The following SH3BP2 variants were observed in gnomAD, a reference collection of about 807,000 sequenced individuals.
SH3BP2 encodes SH3 domain-binding protein 2.
Under a neutral mutation model 56.2 loss-of-function variants are expected in SH3BP2, and 38 were observed. That is an observed-to-expected ratio of 0.68 (90% CI 0.52 to 0.89). SH3BP2 has a LOEUF of 0.89. SH3BP2 is among the 40% of genes least tolerant of loss of function. The pLI is 0.00. For missense variants in SH3BP2, 748 were observed against 762.6 expected (o/e 0.98, Z 0.23); for synonymous variants, 346 against 316.7 (o/e 1.09, Z -0.98).
chr4:2,801,522 A>C (rs1263672570), intron 1 of SH3BP2, among the ~76,000 whole-genome samples: 1 of 152,078 alleles, frequency 6.6e-6, no homozygotes, highest in Non-Finnish European at 1.5e-5. Flanking sequence ...GTCCGGCCAG[A>C]GACCCCGGCC....
intron 3 of SH3BP2, 45 bp from the exon 4 acceptor site, chr4:2,824,568 C>T (rs762827335): frequency 6.9e-7 from 1 of 1,442,724 alleles, no homozygotes; most frequent in Non-Finnish European, 9.7e-7. Flanking sequence ...AAGGCCATCC[C>T]TATAGCTGTG....
intron 1 of SH3BP2, among the ~76,000 whole-genome samples, chr4:2,795,438 C>T (rs1217851790): frequency 6.6e-6 from 1 of 152,254 alleles, no homozygotes. Flanking sequence ...ATCTGCCCAC[C>T]TCCCAAAGTG....
intron 1 of SH3BP2, chr4:2,818,100 C>A: frequency 1.8e-6 from 1 of 557,626 alleles, no homozygotes; most frequent in Non-Finnish European, 2.3e-6. Flanking sequence ...GCTCACGTGC[C>A]TCCCGCGCAC....
At chr4:2,802,402 A>ATGTGTGTGTGTG (rs1467639495) in intron 1 of SH3BP2, among the ~76,000 whole-genome samples, 1 of 100,426 alleles carries the variant, frequency 1.0e-5, no homozygotes, top group Non-Finnish European at 2.2e-5. Context: ...TCAAAAAAAT[A>ATGTGTGTGTGTG]TATGTGTGTG....
intron 1 of SH3BP2, chr4:2,818,388 G>T (rs1291584559): frequency 6.8e-6 from 8 of 1,179,250 alleles, no homozygotes; most frequent in Non-Finnish European, 8.4e-6. Flanking sequence ...CCGCGTGGAC[G>T]CCGTGAGTAC....
intron 7 of SH3BP2, among the ~76,000 whole-genome samples, chr4:2,828,946 C>T (rs1431856729): frequency 1.3e-5 from 2 of 152,304 alleles, no homozygotes; most frequent in Middle Eastern, 3.4e-3. Flanking sequence ...TCACTCCTCT[C>T]CCGAATTCCC....
chr4:2,833,254 T>TAGGGTCAGTGGAG, intron 12 of SH3BP2: 1 of 643,856 alleles, frequency 1.6e-6, no homozygotes, highest in Non-Finnish European at 2.8e-6. Flanking sequence ...TGTCCTCCAC[T>TAGGGTCAGTGGAG]GACCCTAGTG....
chr4:2,832,403 G>T lies in SH3BP2; in HGVS notation c.1479G>T (p.Lys493Asn). The part of the protein sequence containing the change: ...GLYCIRNSST[K>N]SGKVLVVWDE... ...ACTGCATCCGGAACTCCTCTACCAA[G>T]TCGGGGAAGGTAGGCGCCAGGGGAA... Residue 493 changes from lysine (K) to asparagine (N), a missense_variant, in exon 11 of 13, where the codon AAG becomes AAT. Physicochemically the swap from Lys to Asn is moderately conservative, Grantham distance 94. Around this residue, in one of 3 missense-constraint regions of SH3BP2, gnomAD observed 635 missense variants for 615.0 expected, o/e 1.03. Transcript: ENST00000503393. 1 of 1,613,992 alleles carries T rather than the reference G, an allele frequency of 6.2e-7. No individual in the cohort carries two copies. Among genetic ancestry groups the T allele is most frequent in the South Asian group, 1.1e-5 (1 of 91,086 alleles).
intron 1 of SH3BP2, among the ~76,000 whole-genome samples, chr4:2,795,403 C>G (rs1723027261): frequency 6.6e-6 from 1 of 152,218 alleles, no homozygotes; most frequent in Admixed American, 6.5e-5. Flanking sequence ...GCCCTCCTCA[C>G]TCTCTGTCCT....
chr4:2,822,836 A>T, intron 2 of SH3BP2, 99 bp from the exon 3 acceptor site: 1 of 858,892 alleles, frequency 1.2e-6, no homozygotes. Flanking sequence ...GCTTAGAGGC[A>T]GGAGGCCTGG....
Position 2,835,625 on chromosome 4 carries a change from TTTTAGTTTTTTGTTTTTGAG to T in SH3BP2, c.*1792_*1811del, listed in dbSNP as rs1347340862. 6.6e-6 allele frequency: 1 copy of T among 152,152 alleles called. No individual in the cohort carries two copies. The highest frequency in any genetic ancestry group is 2.4e-5 in the African/African-American group (1 of 41,390). 9.4% of individuals were successfully genotyped at this position (152,152 alleles called of 1,614,324 possible). ...TTTCTCTTCCTGTAAAATTTTATTA[TTTTAGTTTTTTGTTTTTGAG>T]ATGTAGTCTCACCCTGTCGCCCAGG... On this transcript the variant is annotated 3_prime_UTR_variant, in exon 13 of 13. Transcript: ENST00000503393.
chr4:2,800,782 A>G (rs1215556627), intron 1 of SH3BP2, among the ~76,000 whole-genome samples: 1 of 152,110 alleles, frequency 6.6e-6, no homozygotes, highest in East Asian at 1.9e-4. Context: ...CAGTAAGGGC[A>G]TTGGGGGTGT....
At chr4:2,805,254 G>A (rs1052470297) in intron 1 of SH3BP2, among the ~76,000 whole-genome samples, 1 of 152,206 alleles carries the variant, frequency 6.6e-6, no homozygotes, top group Admixed American at 6.5e-5. Flanking sequence ...GGGTGTCCCG[G>A]CCACAGCTGA....
At chr4:2,818,598 G>A (rs1164541251) in intron 1 of SH3BP2, 2 of 569,864 alleles carry the variant, frequency 3.5e-6, no homozygotes, top group Non-Finnish European at 4.7e-6. Flanking sequence ...TCGATCTGCG[G>A]GCAGCTCCCC....
In SH3BP2 at chr4:2,831,857, G is replaced by T; in HGVS notation, c.1351-66G>T. On this transcript the variant is annotated intron_variant, in intron 9 of 12. Transcript: ENST00000503393. This position sits in a 1 kb window ranked among gnomAD's most constrained non-coding sequence, Gnocchi z 4.1. ...CGGATCCCGGCACCGGGTGGCCACC[G>T]TCCGGGGAGTGGTGGTGCGGGTGGA... The T allele has an allele frequency of 6.4e-7, 1 of 1,555,812 alleles. No individual in the cohort carries two copies. The highest frequency in any genetic ancestry group is 1.7e-5 in the Admixed American group (1 of 58,952).
intron 1 of SH3BP2, among the ~76,000 whole-genome samples, chr4:2,806,029 G>C (rs1723520743): frequency 6.6e-6 from 1 of 152,218 alleles, no homozygotes; most frequent in African/African-American, 2.4e-5. Flanking sequence ...TGACACTAGA[G>C]CAAGCCCAGC....
intron 1 of SH3BP2, among the ~76,000 whole-genome samples, chr4:2,797,831 A>G (rs1189800509): frequency 1.3e-5 from 2 of 151,828 alleles, no homozygotes; most frequent in East Asian, 1.9e-4. Flanking sequence ...CCAGCCTCCC[A>G]CTCCTGGGCA....
At position 2,829,990 on chromosome 4, in the gene SH3BP2, A is replaced by G; in HGVS notation, c.1084A>G (p.Ile362Val). 1.9e-6 allele frequency: 3 copies of G among 1,613,202 alleles called. No individual in the cohort carries two copies. The highest frequency in any genetic ancestry group is 2.5e-6 in the Non-Finnish European group (3 of 1,179,990). ...AGCCAACAAGCCCAAGTTCCTGAAG[A>G]TAGCTGAAGAGGACCCCCCAAGGGA... ...VPANKPKFLK[I>V]AEEDPPREAA... is the part of the protein sequence containing the mutation. The change falls in exon 8 of 13, where the codon ATA becomes GTA. Residue 362 changes from isoleucine (I) to valine (V), a missense_variant. Around this residue, in one of 3 missense-constraint regions of SH3BP2, gnomAD observed 635 missense variants for 615.0 expected, o/e 1.03. Transcript: ENST00000503393. The surrounding 1 kb of genome is among the most constrained non-coding windows in gnomAD (Gnocchi z 4.9).
chr4:2,838,707 C>A lies in SH3BP2; in HGVS notation c.*4873C>A, dbSNP rs1725317247. On this transcript the variant is annotated 3_prime_UTR_variant, in exon 13 of 13. Transcript: ENST00000503393. ...ATTTTATGCGTGACCCGAGACAGTT[C>A]TTCCGGTATGGTCCATGGAAGCCAA... 1 of 151,322 alleles carries A rather than the reference C, an allele frequency of 6.6e-6. No homozygotes were observed. Among genetic ancestry groups the A allele is most frequent in the Non-Finnish European group, 1.5e-5 (1 of 68,008 alleles). 9.4% of individuals were successfully genotyped at this position (151,322 alleles called of 1,614,324 possible).
Sources: allele counts gnomAD v4.1 joint callset (sites outside exome capture counted in the v4.1 genomes callset), GRCh38; gene constraint gnomAD v4.1.1; regional missense constraint gnomAD v4.1.1; non-coding constraint Gnocchi (gnomAD v3.1); transcripts MANE v1.5; gene names NCBI Gene and HGNC (gene_info 2026-07-23, HGNC 2026-07-21).